Variants in NLRC4 observed in about 807,000 individuals in gnomAD.
NLRC4 encodes NLR family CARD domain-containing protein 4.
NLRC4 carries 63 observed loss-of-function variants against 79.9 expected under a neutral mutation model. The observed-to-expected ratio is 0.79, with a 90% CI of 0.64 to 0.97. The LOEUF (loss-of-function observed/expected upper bound fraction) is 0.97, where lower values mean the gene tolerates loss of function less well. NLRC4 is among the 50% of genes least tolerant of loss of function. NLRC4 has a pLI of 0.00. For synonymous variants in NLRC4, 461 were observed against 456.5 expected, an observed-to-expected ratio of 1.01 and a Z score of -0.12; for missense variants, 1,074 against 1,215.2, an observed-to-expected ratio of 0.88 and a Z score of 1.73.
intron 5 of NLRC4, among the ~76,000 whole-genome samples, chr2:32,240,343 CA>C (rs1395286164): frequency 1.7e-5 from 2 of 115,492 alleles, no homozygotes; most frequent in African/African-American, 6.8e-5. Flanking sequence ...TAAGAAAGAA[CA>C]AGATGAAGGG....
intron 8 of NLRC4, among the ~76,000 whole-genome samples, chr2:32,235,022 C>T (rs917786961): frequency 2.0e-5 from 3 of 152,156 alleles, no homozygotes; most frequent in Non-Finnish European, 2.9e-5. Flanking sequence ...TTTTGTGGCT[C>T]TATTTAGATA....
chr2:32,259,480 A>G (rs1687288355), intron 1 of NLRC4, among the ~76,000 whole-genome samples: 1 of 151,340 alleles, frequency 6.6e-6, no homozygotes, highest in Admixed American at 6.6e-5. Context: ...TTATCAATCT[A>G]TTTTACTTAT....
upstream of NLRC4, among the ~76,000 whole-genome samples, chr2:32,265,114 C>G (rs1687436750): frequency 6.6e-6 from 1 of 152,254 alleles, no homozygotes. Flanking sequence ...TGTTGAGTTA[C>G]TTATTCTATA....
At chr2:32,255,928 C>T (rs193272186) in intron 2 of NLRC4, among the ~76,000 whole-genome samples, 176 of 151,992 alleles carry the variant, frequency 1.2e-3, no homozygotes, top group African/African-American at 4.1e-3. Flanking sequence ...GCAGAAGCAT[C>T]GCTTGAACCC....
rs752798831 is a variant in NLRC4 at position 32,235,442 on chromosome 2, A to C, written c.2741T>G (p.Leu914Trp). 1.9e-6 allele frequency: 3 copies of C among 1,614,060 alleles called. No homozygotes were observed. In the Admixed American group the frequency reaches 5.0e-5, roughly 27 times the overall value. ...TGTATCTGTGAGTCTCCAGTTTTTC[A>C]ACCCAAGCTTGACGAGTTGTGGGAC... The part of the protein sequence containing the change: ...EEVPQLVKLG[L>W]KNWRLTDTEI... Residue 914 changes from leucine to tryptophan, a missense_variant, in exon 8 of 9, where the codon TTG becomes TGG. Transcript: ENST00000402280.
intron 2 of NLRC4, 90 bp from the exon 3 acceptor site, chr2:32,252,769 A>G: frequency 2.6e-6 from 3 of 1,159,228 alleles, no homozygotes; most frequent in Non-Finnish European, 3.7e-6. Flanking sequence ...CTGTAATCCC[A>G]GCACTTTGGG....
chr2:32,250,460 G>C lies in NLRC4; in HGVS notation c.1404C>G (p.Thr468=). ...LLTSHEPEEV[T]KGNGYLQKMV... is the part of the protein sequence containing the mutation. ...TTTTCTGCAAGTAACCATTCCCCTT[G>C]GTCACCTCCTCTGGCTCATGAGACG... is the stretch of plus-strand genomic sequence containing the variant. Residue 468 remains threonine (T), a synonymous_variant, in exon 4 of 9, where the codon ACC becomes ACG. Transcript: ENST00000402280. This position sits in a 1 kb window ranked among gnomAD's most constrained non-coding sequence, Gnocchi z 4.9. 6.2e-7 allele frequency: 1 copy of C among 1,614,174 alleles called. No homozygotes were observed. Among genetic ancestry groups the C allele is most frequent in the Non-Finnish European group, 8.5e-7 (1 of 1,180,038 alleles).
At chr2:32,228,973 C>T (rs1049975294) in intron 8 of NLRC4, among the ~76,000 whole-genome samples, 20 of 149,554 alleles carry the variant, frequency 1.3e-4, no homozygotes, top group Non-Finnish European at 2.7e-4. Context: ...ACCATGTTGG[C>T]CAGGCTGGTT....
At chr2:32,243,058 AAG>A (rs140068281) in intron 4 of NLRC4, among the ~76,000 whole-genome samples, 11 of 149,306 alleles carry the variant, frequency 7.4e-5, no homozygotes, top group Admixed American at 6.7e-5. Context: ...TAATGAAAGA[AAG>A]AGAGAGAGAG....
chr2:32,250,950 G>A lies in NLRC4; in HGVS notation c.914C>T (p.Ala305Val). ...CAGCACTTCTCGGATGAGAGCCTGG[G>A]CGCTGTCTTCTGTCATATCCCCCAC... ...AEVGDMTEDS[A>V]QALIREVLIK... The change falls in exon 4 of 9, where the codon GCC becomes GTC. Residue 305 changes from alanine (A) to valine (V), a missense_variant. Ala to Val is a moderately conservative substitution (Grantham distance 64). Coordinates refer to ENST00000402280, the MANE Select transcript of NLRC4 (RefSeq NM_001199138.2). This position sits in a 1 kb window ranked among gnomAD's most constrained non-coding sequence, Gnocchi z 4.9. 6.2e-7 allele frequency: 1 copy of A among 1,614,108 alleles called. No individual in the cohort carries two copies. Among genetic ancestry groups the A allele is most frequent in the Non-Finnish European group, 8.5e-7 (1 of 1,180,030 alleles).
intron 4 of NLRC4, among the ~76,000 whole-genome samples, chr2:32,241,917 A>C (rs561971976): frequency 1.4e-4 from 21 of 152,318 alleles, no homozygotes; most frequent in African/African-American, 5.0e-4. Flanking sequence ...GAAATGAGGA[A>C]AGGCCTCAAA....
In NLRC4 at chr2:32,252,549, C is replaced by T. The variant is rs760253510; in HGVS notation, c.132G>A (p.Glu44=). Residue 44 remains glutamate (E), a synonymous_variant, in exon 3 of 9, where the codon GAG becomes GAA. Transcript: ENST00000402280. ...CTCTAGCAGCATCCTGCTCCACCTT[C>T]TCGCAGCAAATGATGTTTACTTCTT... is the stretch of plus-strand genomic sequence containing the variant. ...NREEVNIICC[E]KVEQDAARGI... 3 of 1,614,218 alleles carry T rather than the reference C, an allele frequency of 1.9e-6. No individual in the cohort carries two copies.
intron 4 of NLRC4, among the ~76,000 whole-genome samples, chr2:32,245,305 CT>C (rs1365376224): frequency 1.2e-3 from 110 of 93,790 alleles, no homozygotes; most frequent in Non-Finnish European, 1.9e-3. Context: ...AGTGAGACTC[CT>C]TCTCAAAAAA....
In NLRC4 at chr2:32,250,011, C is replaced by T; in HGVS notation, c.1853G>A (p.Gly618Glu). 1.2e-6 allele frequency: 2 copies of T among 1,614,200 alleles called. No individual in the cohort carries two copies. The highest frequency in any genetic ancestry group is 1.7e-6 in the Non-Finnish European group (2 of 1,180,048). ...ALDFIKLDFY[G>E]GAMASWEKAA... ...CTTTTCCCATGAAGCCATAGCTCCC[C>T]CATAAAAGTCCAGTTTAATGAAGTC... Residue 618 changes from glycine to glutamate, a missense_variant, in exon 4 of 9, where the codon GGG (glycine) becomes GAG (glutamate). Gly to Glu is a moderately conservative substitution (Grantham distance 98). Transcript: ENST00000402280. This position sits in a 1 kb window ranked among gnomAD's most constrained non-coding sequence, Gnocchi z 4.9.
At chr2:32,228,385 G>A (rs1470780659) in intron 8 of NLRC4, among the ~76,000 whole-genome samples, 1 of 152,078 alleles carries the variant, frequency 6.6e-6, no homozygotes, top group East Asian at 1.9e-4. Flanking sequence ...ACCCCCTAGT[G>A]GAGTTAGCCT....
chr2:32,238,336 C>G (rs1330992147), intron 5 of NLRC4, 34 bp from the exon 6 acceptor site: 1 of 1,553,968 alleles, frequency 6.4e-7, no homozygotes, highest in Admixed American at 1.8e-5. Flanking sequence ...CATTAGGATA[C>G]CAAGTTAATT....
Position 32,260,153 on chromosome 2 carries a change from C to T in NLRC4, c.-118-3260G>A, listed in dbSNP as rs570661931. Among the ~76,000 whole-genome samples the T allele has an allele frequency of 2.2e-5, 3 of 134,016 alleles. No individual in the cohort carries two copies. The South Asian group carries it at 6.8e-4, about 31-fold the overall frequency. The allele number at this position is 134,016 out of a possible 152,430, so 87.9% of individuals were successfully genotyped here. On this transcript the variant is annotated intron_variant, in intron 1 of 8. Coordinates refer to ENST00000402280, the MANE Select transcript of NLRC4 (RefSeq NM_001199138.2). ...CTGAGGCAGGAGAATCACTTGAACC[C>T]AGGAAGCGGAGGTTGCAGTGAGCCA...
intron 8 of NLRC4, among the ~76,000 whole-genome samples, chr2:32,228,803 C>G (rs1245188436): frequency 6.6e-6 from 1 of 151,630 alleles, no homozygotes; most frequent in Non-Finnish European, 1.5e-5. Context: ...GGTTCTGGCT[C>G]TGTTGCCCAG....
At chr2:32,228,074 G>A (rs180977391) in intron 8 of NLRC4, among the ~76,000 whole-genome samples, 113 of 152,278 alleles carry the variant, frequency 7.4e-4, no homozygotes, top group African/African-American at 2.5e-3. Context: ...TATGTGCTGC[G>A]GATTATGCTG....
Sources: gnomAD v4.1 joint callset for allele counts (sites outside exome capture counted in the v4.1 genomes callset) on GRCh38, gnomAD v4.1.1 for gene constraint, Gnocchi (gnomAD v3.1) non-coding constraint, MANE v1.5 for transcripts, NCBI Gene and HGNC (gene_info 2026-07-23, HGNC 2026-07-21) for gene names.